ARSB: variants seen among roughly 807,000 people sequenced by gnomAD.
ARSB encodes N-acetylgalactosamine-4-sulfatase.
Under a neutral mutation model 50.9 loss-of-function variants are expected in ARSB, and 41 were observed. The ratio of observed to expected loss-of-function variants is 0.81; its 90% CI spans 0.63 to 1.04. The LOEUF is 1.04. Among genes scored for constraint, ARSB ranks in the 50% least tolerant of loss-of-function variants. The pLI, the probability that ARSB is intolerant of heterozygous loss-of-function variation, is 0.00. For synonymous variants in ARSB, 269 were observed against 284.8 expected, an observed-to-expected ratio of 0.94 and a Z score of 0.56; for missense variants, 672 against 693.3, an observed-to-expected ratio of 0.97 and a Z score of 0.35.
chr5:78,841,292 T>A (rs990701004), intron 5 of ARSB, among the ~76,000 whole-genome samples: 1 of 152,070 alleles, frequency 6.6e-6, no homozygotes, highest in African/African-American at 2.4e-5. Context: ...ATCACACCAC[T>A]GCACTCCAGC....
chr5:78,801,993 G>A (rs1344602177), intron 6 of ARSB, among the ~76,000 whole-genome samples: 1 of 152,052 alleles, frequency 6.6e-6, no homozygotes, highest in Non-Finnish European at 1.5e-5. Context: ...CATTCTCCCA[G>A]TCTCATCTCA....
chr5:78,868,493 G>T (rs1453010332), intron 5 of ARSB, among the ~76,000 whole-genome samples: 2 of 124,538 alleles, frequency 1.6e-5, no homozygotes, highest in African/African-American at 6.0e-5. Flanking sequence ...CCAGAGGAGA[G>T]TGGGGGCCAA....
chr5:78,851,745 T>C (rs1444935274), intron 5 of ARSB, among the ~76,000 whole-genome samples: 1 of 152,376 alleles, frequency 6.6e-6, no homozygotes. Flanking sequence ...TGGGTGCTCC[T>C]GTATTGGTTG....
Position 78,985,226 on chromosome 5 carries a change from C to T in ARSB, c.23G>A (p.Ser8Asn). MGPRGAASLPRGPGPRRL... is the reference protein window; with the variant it reads MGPRGAANLPRGPGPRRL... ...CCGAGGTCCGGGGCCTCGGGGCAAG[C>T]TCGCCGCGCCGCGCGGACCCATCCT... The change falls in exon 1 of 8, where the codon AGC (serine) becomes AAC (asparagine). Residue 8 changes from serine to asparagine, a missense_variant. By Grantham distance (46) the Ser-to-Asn change is conservative. Transcript: ENST00000264914. 1 of 1,332,618 alleles carries T rather than the reference C, an allele frequency of 7.5e-7. No homozygotes were observed. Among genetic ancestry groups the T allele is most frequent in the Middle Eastern group, 2.8e-4 (1 of 3,624 alleles). The allele number at this position is 1,332,618 out of a possible 1,614,324, so 82.5% of individuals were successfully genotyped here.
chr5:78,863,363 T>C (rs922403902), intron 5 of ARSB, among the ~76,000 whole-genome samples: 1 of 152,114 alleles, frequency 6.6e-6, no homozygotes, highest in Non-Finnish European at 1.5e-5. Flanking sequence ...AACTCACATG[T>C]CCATCAATGA....
At chr5:78,859,419 G>C (rs1746316760) in intron 5 of ARSB, among the ~76,000 whole-genome samples, 1 of 152,092 alleles carries the variant, frequency 6.6e-6, no homozygotes. Flanking sequence ...ATAATTGGTA[G>C]GACTTCTGGG....
chr5:78,800,413 T>C (rs943302662), intron 6 of ARSB, among the ~76,000 whole-genome samples: 1 of 151,380 alleles, frequency 6.6e-6, no homozygotes, highest in Admixed American at 6.6e-5. Flanking sequence ...CTCTCCACCA[T>C]GCATTTTACC....
chr5:78,939,725 A>G (rs1750811262), intron 4 of ARSB, among the ~76,000 whole-genome samples: 1 of 152,202 alleles, frequency 6.6e-6, no homozygotes, highest in Admixed American at 6.5e-5. Context: ...TATTGTGAAT[A>G]GTGCCGCAAT....
At chr5:78,838,924 C>T (rs774958482) in intron 6 of ARSB, among the ~76,000 whole-genome samples, 2 of 152,216 alleles carry the variant, frequency 1.3e-5, no homozygotes, top group Non-Finnish European at 2.9e-5. Flanking sequence ...CCAGCCCAAT[C>T]AGATAATGTG....
At chr5:78,825,784 TA>T (rs1279586503) in intron 6 of ARSB, among the ~76,000 whole-genome samples, 7 of 152,310 alleles carry the variant, frequency 4.6e-5, no homozygotes, top group African/African-American at 1.7e-4. Flanking sequence ...CAAAATGATG[TA>T]AAAGAAAGGA....
chr5:78,788,554 T>C (rs1308392989), intron 6 of ARSB, among the ~76,000 whole-genome samples: 2 of 152,254 alleles, frequency 1.3e-5, no homozygotes, highest in Non-Finnish European at 2.9e-5. Context: ...GAATCTATAA[T>C]ATCTGCTAAA....
chr5:78,885,470 T>G, intron 5 of ARSB, 114 bp downstream of exon 5: 1 of 1,445,264 alleles, frequency 6.9e-7, no homozygotes, highest in South Asian at 1.3e-5. Flanking sequence ...TTAAAAATCA[T>G]GTATTTGTAA....
chr5:78,961,748 T>C (rs1475033010), intron 3 of ARSB, among the ~76,000 whole-genome samples: 1 of 151,962 alleles, frequency 6.6e-6, no homozygotes, highest in Non-Finnish European at 1.5e-5. Flanking sequence ...TGTGAACCTG[T>C]AATAGGTAGC....
chr5:78,957,663 C>T lies in ARSB; in HGVS notation c.691-2161G>A, dbSNP rs140504323. Among the ~76,000 whole-genome samples, 89 of 152,326 alleles carry T rather than the reference C, an allele frequency of 5.8e-4. 1 individual carries two copies. The highest frequency in any genetic ancestry group is 2.1e-3 in the African/African-American group (87 of 41,580). On this transcript the variant is annotated intron_variant, in intron 3 of 7. Coordinates refer to ENST00000264914, the MANE Select transcript of ARSB (RefSeq NM_000046.5). ...GTTCTGCCTCTGCTTCCACTCGACA[C>T]ACATACACCTTCTACTCCAGCTGCA...
chr5:78,803,100 A>C (rs1743453978), intron 6 of ARSB, among the ~76,000 whole-genome samples: 1 of 152,232 alleles, frequency 6.6e-6, no homozygotes, highest in Admixed American at 6.5e-5. Context: ...TGAAACACTT[A>C]TCTGAATGCA....
intron 6 of ARSB, chr5:78,817,222 C>A: frequency 3.8e-6 from 2 of 527,872 alleles, no homozygotes; most frequent in Non-Finnish European, 4.9e-6. Flanking sequence ...ACCAATAATC[C>A]AACTGCTTCA....
chr5:78,935,112 A>C (rs908500089), intron 4 of ARSB, among the ~76,000 whole-genome samples: 2 of 151,244 alleles, frequency 1.3e-5, no homozygotes, highest in African/African-American at 4.9e-5. Context: ...TTAATGGTAC[A>C]AAAAACTCCA....
intron 4 of ARSB, among the ~76,000 whole-genome samples, chr5:78,950,110 CA>C (rs1185608033): frequency 1.8e-4 from 28 of 152,190 alleles, no homozygotes; most frequent in African/African-American, 6.3e-4. Flanking sequence ...TGGAATTTAG[CA>C]ACTACAAAGA....
chr5:78,884,773 T>C (rs969353689), intron 5 of ARSB: 1 of 151,834 alleles, frequency 6.6e-6, no homozygotes, highest in Non-Finnish European at 1.5e-5. Flanking sequence ...TAGATATTAA[T>C]ACAAATACAA....
Sources: gnomAD v4.1 joint callset for allele counts (sites outside exome capture counted in the v4.1 genomes callset) on GRCh38, gnomAD v4.1.1 for gene constraint, MANE v1.5 for transcripts, NCBI Gene and HGNC (gene_info 2026-07-23, HGNC 2026-07-21) for gene names.